SCG5: variants seen among roughly 807,000 people sequenced by gnomAD.
The protein encoded by SCG5 is secretogranin V.
SCG5 carries 18 observed loss-of-function variants against 25.7 expected under a neutral mutation model. The observed-to-expected ratio is 0.70, with a 90% confidence interval of 0.48 to 1.04. The LOEUF (loss-of-function observed/expected upper bound fraction) is 1.04, where lower values mean the gene tolerates loss of function less well. SCG5 is among the 50% of genes least tolerant of loss of function. SCG5 has a pLI of 0.00. For missense variants in SCG5, 206 were observed against 259.8 expected (o/e 0.79, Z 1.42); for synonymous variants, 101 against 91.7 (o/e 1.10, Z -0.58).
At chr15:32,660,141 G>C (rs540678666) in intron 2 of SCG5, among the ~76,000 whole-genome samples, 13 of 152,294 alleles carry the variant, frequency 8.5e-5, no homozygotes, top group African/African-American at 2.4e-4. Flanking sequence ...ATTTAACTAG[G>C]TCTGTATAGA....
chr15:32,669,617 G>A (rs552062097), intron 2 of SCG5, among the ~76,000 whole-genome samples: 7 of 152,172 alleles, frequency 4.6e-5, no homozygotes, highest in African/African-American at 7.2e-5. Context: ...CATTTCAGAC[G>A]GCAAATAAAA....
At chr15:32,670,079 T>C (rs2054393979) in intron 2 of SCG5, among the ~76,000 whole-genome samples, 1 of 152,216 alleles carries the variant, frequency 6.6e-6, no homozygotes, top group Non-Finnish European at 1.5e-5. Context: ...GAGTAGATGA[T>C]GATAATGTTG....
intron 2 of SCG5, among the ~76,000 whole-genome samples, chr15:32,659,189 C>CA (rs1302268790): frequency 3.3e-5 from 5 of 149,336 alleles, no homozygotes; most frequent in East Asian, 1.9e-4. Context: ...AAAAAACAAA[C>CA]AAAAAAAACC....
chr15:32,645,609 G>A (rs952514646), intron 2 of SCG5, among the ~76,000 whole-genome samples: 3 of 152,116 alleles, frequency 2.0e-5, no homozygotes, highest in Admixed American at 6.5e-5. Context: ...ATGCTGCTTT[G>A]AAGAAGCAAC....
At chr15:32,642,133 T>G (rs1164173499) in intron 1 of SCG5, among the ~76,000 whole-genome samples, 1 of 152,098 alleles carries the variant, frequency 6.6e-6, no homozygotes, top group African/African-American at 2.4e-5. Flanking sequence ...AGGTTTTATA[T>G]CTAGTGGCTA....
At chr15:32,676,253 G>T (rs1213428454) in intron 2 of SCG5, among the ~76,000 whole-genome samples, 1 of 152,142 alleles carries the variant, frequency 6.6e-6, no homozygotes, top group Non-Finnish European at 1.5e-5. Context: ...GTTCTAATCT[G>T]TCTGCTTAGT....
At chr15:32,659,471 A>C (rs964706938) in intron 2 of SCG5, among the ~76,000 whole-genome samples, 8 of 152,244 alleles carry the variant, frequency 5.3e-5, no homozygotes, top group African/African-American at 1.9e-4. Flanking sequence ...ACCAAGACAG[A>C]GTGATACTTA....
At chr15:32,688,279 C>T (rs751122542) in intron 4 of SCG5, among the ~76,000 whole-genome samples, 2 of 152,208 alleles carry the variant, frequency 1.3e-5, no homozygotes, top group African/African-American at 2.4e-5. Flanking sequence ...GCCAGCTACC[C>T]ACTCCCCCTT....
At chr15:32,673,678 G>C (rs1207076268) in intron 2 of SCG5, among the ~76,000 whole-genome samples, 1 of 152,026 alleles carries the variant, frequency 6.6e-6, no homozygotes, top group Non-Finnish European at 1.5e-5. Context: ...CTTAGAAGGA[G>C]TGAGGTGACA....
chr15:32,681,242 T>C (rs2054615197), intron 3 of SCG5, among the ~76,000 whole-genome samples: 1 of 152,138 alleles, frequency 6.6e-6, no homozygotes, highest in Admixed American at 6.5e-5. Flanking sequence ...CTTTTTACTA[T>C]TGCTTTCAAT....
chr15:32,651,772 C>T (rs924548621), intron 2 of SCG5, among the ~76,000 whole-genome samples: 14 of 152,088 alleles, frequency 9.2e-5, no homozygotes, highest in African/African-American at 2.9e-4. Context: ...TCAAAAGAAA[C>T]GGGGAGGTTC....
intron 2 of SCG5, among the ~76,000 whole-genome samples, chr15:32,670,358 C>T (rs2054398840): frequency 6.6e-6 from 1 of 152,246 alleles, no homozygotes; most frequent in Non-Finnish European, 1.5e-5. Context: ...ATCACTCTAG[C>T]AAACTGCCAG....
At chr15:32,661,844 GAAAAT>G (rs1025785378) in intron 2 of SCG5, among the ~76,000 whole-genome samples, 11 of 151,738 alleles carry the variant, frequency 7.2e-5, no homozygotes, top group Admixed American at 2.6e-4. Flanking sequence ...GGATCATTTC[GAAAAT>G]AAAATAAAGA....
intron 2 of SCG5, among the ~76,000 whole-genome samples, chr15:32,668,068 A>C (rs1310340222): frequency 6.6e-6 from 1 of 152,184 alleles, no homozygotes; most frequent in African/African-American, 2.4e-5. Context: ...CAGGCCAGGA[A>C]AGCATTACCA....
Position 32,643,675 on chromosome 15 carries a change from G to A in SCG5, c.83G>A (p.Ser28Asn). The change falls in exon 2 of 6, where the codon AGC becomes AAC. Residue 28 changes from serine (S) to asparagine (N), a missense_variant. By Grantham distance (46) the Ser-to-Asn change is conservative. Coordinates refer to ENST00000300175, the MANE Select transcript of SCG5 (RefSeq NM_001144757.3). ...GGATGGACTCCAGCATTTGCTTACA[G>A]CCCCCGGACCCCTGACCGGGTCTCA... is the stretch of plus-strand genomic sequence containing the variant. ...ASGWTPAFAY[S>N]PRTPDRVSEA... The A allele has an allele frequency of 6.2e-7, 1 of 1,613,924 alleles. No individual in the cohort carries two copies. Among genetic ancestry groups the A allele is most frequent in the Non-Finnish European group, 8.5e-7 (1 of 1,179,890 alleles).
In SCG5 at chr15:32,656,560, T is replaced by TA. The variant is rs150161012; in HGVS notation, c.226+12745dup. On this transcript the variant is annotated intron_variant, in intron 2 of 5. Coordinates refer to ENST00000300175, the MANE Select transcript of SCG5 (RefSeq NM_001144757.3). ...GTTGGCAGGACAGCTGTGTTAGGTT[T>TA]AAATGTATCTCCCCATCCAGCTGTC... Among the ~76,000 whole-genome samples, 325 of 152,354 alleles carry TA rather than the reference T, an allele frequency of 2.1e-3. 1 individual carries two copies. Among genetic ancestry groups the TA allele is most frequent in the African/African-American group, 7.6e-3 (314 of 41,588 alleles).
intron 2 of SCG5, among the ~76,000 whole-genome samples, chr15:32,677,914 T>A (rs763813181): frequency 6.6e-6 from 1 of 152,234 alleles, no homozygotes; most frequent in Non-Finnish European, 1.5e-5. Context: ...AAGTTGTTCT[T>A]ATTCACTGCT....
chr15:32,651,823 A>G (rs2054035252), intron 2 of SCG5, among the ~76,000 whole-genome samples: 1 of 152,224 alleles, frequency 6.6e-6, no homozygotes, highest in South Asian at 2.1e-4. Context: ...GAACACGATG[A>G]CATGTTTGTG....
At chr15:32,678,861 C>T (rs1198949837) in intron 2 of SCG5, among the ~76,000 whole-genome samples, 1 of 152,038 alleles carries the variant, frequency 6.6e-6, no homozygotes. Flanking sequence ...ACCATGCAGC[C>T]AAATGGAAAG....
Sources: gnomAD v4.1 joint callset for allele counts (sites outside exome capture counted in the v4.1 genomes callset) on GRCh38, gnomAD v4.1.1 for gene constraint, MANE v1.5 for transcripts, NCBI Gene and HGNC (gene_info 2026-07-23, HGNC 2026-07-21) for gene names.